The following ADGRB3 variants were observed in gnomAD, a reference collection of about 807,000 sequenced individuals.
ADGRB3 encodes the protein brain-specific angiogenesis inhibitor 3.
Under a neutral mutation model 193.4 loss-of-function variants are expected in ADGRB3, and 37 were observed. The ratio of observed to expected loss-of-function variants is 0.19; its 90% confidence interval spans 0.15 to 0.25. ADGRB3 has a LOEUF of 0.25. ADGRB3 is among the 10% of genes least tolerant of loss of function. ADGRB3 has a pLI of 1.00. For missense variants in ADGRB3, 1,637 were observed against 1,852.9 expected (o/e 0.88, Z 2.14); for synonymous variants, 690 against 644.2 (o/e 1.07, Z -1.08).
chr6:68,864,164 C>CAAGTTTAGTGCATGGATTTGTAATACTT (rs1765230023), intron 3 of ADGRB3, among the ~76,000 whole-genome samples: 1 of 152,102 alleles, frequency 6.6e-6, no homozygotes, highest in Admixed American at 6.5e-5. Flanking sequence ...TAAAGTTCAC[C>CAAGTTTAGTGCATGGATTTGTAATACTT]AAGTTTAGTG....
At chr6:69,257,779 G>A (rs1304889517) in intron 20 of ADGRB3, among the ~76,000 whole-genome samples, 2 of 152,186 alleles carry the variant, frequency 1.3e-5, no homozygotes, top group East Asian at 3.8e-4. Flanking sequence ...TGTTTTCAGT[G>A]CAGATTCTCC....
intron 3 of ADGRB3, among the ~76,000 whole-genome samples, chr6:68,770,974 A>G (rs944763366): frequency 2.9e-4 from 44 of 152,078 alleles, no homozygotes; most frequent in African/African-American, 1.0e-3. Context: ...ATTATTATCA[A>G]TTTGGAAAAG....
chr6:69,048,265 G>C lies in ADGRB3; in HGVS notation c.2188G>C (p.Asp730His), dbSNP rs147658947. 5.8e-5 allele frequency: 94 copies of C among 1,613,516 alleles called. No individual in the cohort carries two copies. The highest frequency in any genetic ancestry group is 7.6e-5 in the Non-Finnish European group (90 of 1,179,736). The change falls in exon 14 of 32, where the codon GAC (aspartate) becomes CAC (histidine). Residue 730 changes from aspartate to histidine, a missense_variant. Coordinates refer to ENST00000370598, the MANE Select transcript of ADGRB3 (RefSeq NM_001704.3). ...FPMKGRKGMVDWARNSEDRVV... is the reference protein window; with the variant it reads ...FPMKGRKGMVHWARNSEDRVV... The stretch of plus-strand genomic sequence containing the variant: ...AATGAAAGGACGGAAGGGAATGGTT[G>C]ACTGGGCAAGAAACTCAGAAGATAG...
intron 10 of ADGRB3, among the ~76,000 whole-genome samples, chr6:68,987,913 G>A (rs1769126778): frequency 6.6e-6 from 1 of 152,100 alleles, no homozygotes; most frequent in Admixed American, 6.6e-5. Flanking sequence ...GAATTCATTT[G>A]CCTACTTATA....
chr6:69,266,317 T>C (rs1398632808), intron 20 of ADGRB3, among the ~76,000 whole-genome samples: 1 of 151,978 alleles, frequency 6.6e-6, no homozygotes, highest in Non-Finnish European at 1.5e-5. Flanking sequence ...CATGGTTTCT[T>C]TAGTTCAAAG....
chr6:69,249,757 C>T (rs1766581204), intron 20 of ADGRB3, among the ~76,000 whole-genome samples: 1 of 151,856 alleles, frequency 6.6e-6, no homozygotes, highest in African/African-American at 2.4e-5. Flanking sequence ...ACACTAATGC[C>T]TATAATAAAA....
chr6:69,139,371 T>C (rs951823710), intron 17 of ADGRB3, among the ~76,000 whole-genome samples: 7 of 152,188 alleles, frequency 4.6e-5, no homozygotes, highest in Admixed American at 4.6e-4. Context: ...GTACAAAAAG[T>C]AACTGCTGAT....
At chr6:69,375,825 C>A (rs1441435451) in intron 30 of ADGRB3, among the ~76,000 whole-genome samples, 1 of 151,966 alleles carries the variant, frequency 6.6e-6, no homozygotes, top group Admixed American at 6.6e-5. Flanking sequence ...TACCTGTAAT[C>A]CCGGCTACTT....
chr6:69,126,542 C>T (rs547963007), intron 17 of ADGRB3, among the ~76,000 whole-genome samples: 12 of 152,244 alleles, frequency 7.9e-5, no homozygotes, highest in Admixed American at 3.9e-4. Flanking sequence ...CAAGAGAAGA[C>T]GGGTGTCCCA....
intron 3 of ADGRB3, among the ~76,000 whole-genome samples, chr6:68,868,283 C>T (rs1268165507): frequency 6.6e-6 from 1 of 152,152 alleles, no homozygotes; most frequent in African/African-American, 2.4e-5. Context: ...CCCCCACTTG[C>T]TCTGTCTCTC....
At chr6:69,269,155 A>T (rs1033366042) in intron 20 of ADGRB3, among the ~76,000 whole-genome samples, 1 of 152,138 alleles carries the variant, frequency 6.6e-6, no homozygotes, top group Admixed American at 6.6e-5. Flanking sequence ...TACAAATGTT[A>T]AATATCTTGC....
chr6:69,376,927 C>A (rs1161680722), intron 30 of ADGRB3, among the ~76,000 whole-genome samples: 1 of 151,966 alleles, frequency 6.6e-6, no homozygotes, highest in Non-Finnish European at 1.5e-5. Context: ...AAAAAATATG[C>A]AACTAATTTT....
At chr6:68,976,998 T>C (rs1425048195) in intron 10 of ADGRB3, among the ~76,000 whole-genome samples, 1 of 149,222 alleles carries the variant, frequency 6.7e-6, no homozygotes, top group East Asian at 1.9e-4. Context: ...TATTTATATA[T>C]CATATAATAT....
intron 3 of ADGRB3, among the ~76,000 whole-genome samples, chr6:68,674,866 G>A (rs1769050184): frequency 6.6e-6 from 1 of 152,154 alleles, no homozygotes; most frequent in Non-Finnish European, 1.5e-5. Flanking sequence ...CAAATCGTAT[G>A]TTTTTCTAAA....
chr6:68,743,455 T>C (rs559314179), intron 3 of ADGRB3, among the ~76,000 whole-genome samples: 8 of 152,128 alleles, frequency 5.3e-5, no homozygotes, highest in African/African-American at 1.9e-4. Flanking sequence ...ACTTTCCAAA[T>C]AGTTTGATAA....
chr6:68,860,653 C>A (rs1008800684), intron 3 of ADGRB3, among the ~76,000 whole-genome samples: 1 of 152,150 alleles, frequency 6.6e-6, no homozygotes, highest in Non-Finnish European at 1.5e-5. Context: ...CACTGATAGA[C>A]ACTTAGGTTG....
At chr6:69,279,679 C>A (rs1767391447) in intron 20 of ADGRB3, among the ~76,000 whole-genome samples, 1 of 152,086 alleles carries the variant, frequency 6.6e-6, no homozygotes, top group African/African-American at 2.4e-5. Context: ...AACCAATCCA[C>A]ATAAAATGTA....
At position 69,132,549 on chromosome 6, in the gene ADGRB3, C is replaced by A. The variant is rs374352408; in HGVS notation, c.2480+56511C>A. Among the ~76,000 whole-genome samples the A allele has an allele frequency of 1.7e-4, 26 of 152,154 alleles. No individual in the cohort carries two copies. The East Asian group carries it at 3.3e-3, about 19-fold the overall frequency. On this transcript the variant is annotated intron_variant, in intron 17 of 31. Transcript: ENST00000370598. The stretch of plus-strand genomic sequence containing the variant: ...AGCCCTTTGTCAGATGGATAGATTG[C>A]AAAAATTTTCTCCCATTCTGTAGGC...
rs1263108696 is a variant in ADGRB3, at chr6:68,772,886, AAAAAAAAAATATAT to A, written c.757+133456_757+133469del. Among the ~76,000 whole-genome samples, 14 of 41,530 alleles carry A rather than the reference AAAAAAAAAATATAT, an allele frequency of 3.4e-4. No individual in the cohort carries two copies. The East Asian group carries it at 6.5e-3, about 19-fold the overall frequency. 27.2% of individuals were successfully genotyped at this position (41,530 alleles called of 152,430 possible). A position where few individuals can be genotyped will look rare whatever the true frequency, so the allele number is the denominator to read the frequency against. ...ACAAACAAACAAACAAACAAACAAA[AAAAAAAAAATATAT>A]ATATATATATATATATATATATATA... On this transcript the variant is annotated intron_variant, in intron 3 of 31. Coordinates refer to ENST00000370598, the MANE Select transcript of ADGRB3 (RefSeq NM_001704.3).
Sources: allele counts gnomAD v4.1 joint callset (sites outside exome capture counted in the v4.1 genomes callset), GRCh38; gene constraint gnomAD v4.1.1; transcripts MANE v1.5; gene names NCBI Gene and HGNC (gene_info 2026-07-23, HGNC 2026-07-21).